SULF2: variants seen among roughly 807,000 people sequenced by gnomAD.
SULF2 encodes the protein sulfatase 2.
SULF2 carries 52 observed loss-of-function variants against 107.7 expected under a neutral mutation model. The observed-to-expected ratio is 0.48, with a 90% CI of 0.39 to 0.61. The LOEUF is 0.61. SULF2 is among the 20% of genes least tolerant of loss of function. SULF2 has a pLI of 0.00. For synonymous variants in SULF2, 460 were observed against 464.3 expected (o/e 0.99, Z 0.12); for missense variants, 993 against 1,177.3 (o/e 0.84, Z 2.29).
chr20:47,771,163 G>C (rs1346818872), intron 1 of SULF2, among the ~76,000 whole-genome samples: 1 of 152,176 alleles, frequency 6.6e-6, no homozygotes, highest in Non-Finnish European at 1.5e-5. Context: ...CTGATCCCTG[G>C]CTGTCGGGGC....
chr20:47,781,886 C>T (rs1360334717), intron 1 of SULF2, among the ~76,000 whole-genome samples: 2 of 152,298 alleles, frequency 1.3e-5, no homozygotes, highest in South Asian at 2.1e-4. Context: ...GGAGAGACAT[C>T]AGCCTCATGG....
chr20:47,675,818 C>A lies in SULF2; in HGVS notation c.1380+676G>T, dbSNP rs1282630399. On this transcript the variant is annotated intron_variant, in intron 10 of 20. Transcript: ENST00000688720. ...CTCAGAAAAGCCTCCTTCAGGCTTT[C>A]CCAAACATGTCAGTTTCTGGCTATC... is the stretch of plus-strand genomic sequence containing the variant. 8.7e-5 allele frequency among the ~76,000 whole-genome samples: 13 copies of A among 148,826 alleles called. No homozygotes were observed. The Admixed American group carries it at 8.9e-4, about 10-fold the overall frequency.
intron 5 of SULF2, among the ~76,000 whole-genome samples, chr20:47,686,930 T>C (rs2088024648): frequency 6.6e-6 from 1 of 152,044 alleles, no homozygotes; most frequent in Non-Finnish European, 1.5e-5. Context: ...ACCCGCCATG[T>C]AGAACATTCC....
chr20:47,681,242 A>T (rs1293990651), intron 7 of SULF2, among the ~76,000 whole-genome samples: 2 of 152,206 alleles, frequency 1.3e-5, no homozygotes, highest in Non-Finnish European at 2.9e-5. Flanking sequence ...TGGACTTTTC[A>T]GTAACTATAG....
At chr20:47,751,177 T>C (rs750462122) in intron 2 of SULF2, among the ~76,000 whole-genome samples, 5 of 152,362 alleles carry the variant, frequency 3.3e-5, no homozygotes, top group African/African-American at 7.2e-5. Context: ...ATAAGTCTGG[T>C]CCACAGTTTG....
chr20:47,748,214 T>C (rs967971801), intron 2 of SULF2, among the ~76,000 whole-genome samples: 1 of 152,176 alleles, frequency 6.6e-6, no homozygotes, highest in African/African-American at 2.4e-5. Flanking sequence ...TTCATTCCCA[T>C]GTCCTGCTGC....
chr20:47,757,143 C>G (rs1238589934), intron 2 of SULF2, 46 bp downstream of exon 2: 13 of 1,502,556 alleles, frequency 8.7e-6, no homozygotes, highest in Non-Finnish European at 1.1e-5. Context: ...ACCCAGGGAC[C>G]CTGCTCCGAG....
At chr20:47,662,856 G>A (rs1422504882) in intron 17 of SULF2, among the ~76,000 whole-genome samples, 1 of 151,908 alleles carries the variant, frequency 6.6e-6, no homozygotes, top group African/African-American at 2.4e-5. Flanking sequence ...TACACACGCA[G>A]GGTGATGGAG....
intron 2 of SULF2, among the ~76,000 whole-genome samples, chr20:47,739,302 T>A (rs1185553569): frequency 6.6e-6 from 1 of 152,140 alleles, no homozygotes; most frequent in African/African-American, 2.4e-5. Context: ...AAAACAAGCA[T>A]CAGACCCACT....
chr20:47,737,977 C>T (rs1309317618), intron 2 of SULF2, among the ~76,000 whole-genome samples: 1 of 152,038 alleles, frequency 6.6e-6, no homozygotes, highest in Non-Finnish European at 1.5e-5. Context: ...TTTCTGACCT[C>T]AAGTGATCCG....
At chr20:47,659,780 A>C (rs1228526458) in intron 18 of SULF2, 50 bp from the exon 19 acceptor site, 1 of 1,437,360 alleles carries the variant, frequency 7.0e-7, no homozygotes, top group Non-Finnish European at 9.8e-7. Flanking sequence ...AGTTTAGGCA[A>C]AACAACCCCA....
chr20:47,783,083 C>G (rs945920451), intron 1 of SULF2, among the ~76,000 whole-genome samples: 11 of 152,146 alleles, frequency 7.2e-5, no homozygotes, highest in African/African-American at 2.7e-4. Context: ...GCAACAATGG[C>G]AGTACTTACT....
chr20:47,676,373 G>T (rs1602616405), intron 10 of SULF2, 121 bp downstream of exon 10: 2 of 1,113,868 alleles, frequency 1.8e-6, no homozygotes, highest in Non-Finnish European at 2.5e-6. Context: ...CCACACGGCA[G>T]CAAAGGACTA....
At chr20:47,672,045 G>T in intron 11 of SULF2, 153 bp downstream of exon 11, 2 of 717,670 alleles carry the variant, frequency 2.8e-6, no homozygotes, top group Non-Finnish European at 4.5e-6. Flanking sequence ...CACTAGAATG[G>T]GTGGCTCGTG....
At chr20:47,764,446 A>ACC (rs201907938) in intron 1 of SULF2, among the ~76,000 whole-genome samples, 19 of 151,000 alleles carry the variant, frequency 1.3e-4, no homozygotes, top group African/African-American at 4.1e-4. Context: ...CTTATTTCCC[A>ACC]CCCCCCCTTA....
intron 1 of SULF2, among the ~76,000 whole-genome samples, chr20:47,775,319 G>C (rs944283313): frequency 1.3e-5 from 2 of 152,222 alleles, no homozygotes; most frequent in Non-Finnish European, 2.9e-5. Context: ...CCATAGGGCA[G>C]AGCCCACATG....
chr20:47,731,476 A>T (rs1387874380), intron 3 of SULF2, among the ~76,000 whole-genome samples: 1 of 152,048 alleles, frequency 6.6e-6, no homozygotes, highest in Non-Finnish European at 1.5e-5. Context: ...CACAGGCTTC[A>T]GTCACCGTGC....
intron 17 of SULF2, among the ~76,000 whole-genome samples, chr20:47,662,363 G>A (rs1033292875): frequency 6.6e-6 from 1 of 152,224 alleles, no homozygotes; most frequent in African/African-American, 2.4e-5. Context: ...GGTAAAGTAT[G>A]AGGGTGAACC....
intron 1 of SULF2, among the ~76,000 whole-genome samples, chr20:47,768,594 T>C (rs1231858665): frequency 2.0e-5 from 3 of 152,246 alleles, no homozygotes; most frequent in African/African-American, 7.2e-5. Context: ...CCTTGGCCTG[T>C]GCCCAACTCT....
Sources: allele counts gnomAD v4.1 joint callset (sites outside exome capture counted in the v4.1 genomes callset), GRCh38; gene constraint gnomAD v4.1.1; transcripts MANE v1.5; gene names NCBI Gene and HGNC (gene_info 2026-07-23, HGNC 2026-07-21).